NEK11: variants seen among roughly 807,000 people sequenced by gnomAD.
The protein encoded by NEK11 is NIMA related kinase 11, also known as serine/threonine-protein kinase Nek11.
In NEK11, 72 loss-of-function variants were observed where a neutral mutation model predicts 80.7. The ratio of observed to expected loss-of-function variants is 0.89; its 90% CI spans 0.74 to 1.08. NEK11 has a LOEUF of 1.08. Ranked by LOEUF, NEK11 falls within the 50% of genes least tolerant of loss-of-function variation. NEK11 has a pLI of 0.00. For missense variants in NEK11, 764 were observed against 763.6 expected, an observed-to-expected ratio of 1.00 and a Z score of -0.01; for synonymous variants, 251 against 260.7, an observed-to-expected ratio of 0.96 and a Z score of 0.36.
intron 12 of NEK11, among the ~76,000 whole-genome samples, chr3:131,165,738 C>G (rs191365320): frequency 2.6e-5 from 4 of 152,310 alleles, no homozygotes; most frequent in African/African-American, 9.6e-5. Context: ...TAACAAAAAT[C>G]AAGCTCCTAC....
chr3:131,199,356 A>G (rs1364962788), intron 14 of NEK11, among the ~76,000 whole-genome samples: 1 of 152,128 alleles, frequency 6.6e-6, no homozygotes, highest in African/African-American at 2.4e-5. Flanking sequence ...CTTATTAAAT[A>G]AATAAAAATA....
At chr3:131,331,408 A>G (rs1350524399) in intron 17 of NEK11, among the ~76,000 whole-genome samples, 1 of 152,230 alleles carries the variant, frequency 6.6e-6, no homozygotes, top group African/African-American at 2.4e-5. Context: ...CCTTCCGGGT[A>G]TCCATTAAAC....
chr3:131,073,874 T>C (rs2073883722), intron 3 of NEK11, among the ~76,000 whole-genome samples: 1 of 152,218 alleles, frequency 6.6e-6, no homozygotes, highest in Non-Finnish European at 1.5e-5. Flanking sequence ...CATTAGGATT[T>C]CCTGTGCTCT....
chr3:131,115,497 C>T (rs1468411036), intron 5 of NEK11, among the ~76,000 whole-genome samples: 1 of 152,176 alleles, frequency 6.6e-6, no homozygotes, highest in Non-Finnish European at 1.5e-5. Context: ...CTGTTCACTC[C>T]TTTGGAGCTT....
At chr3:131,046,733 T>G (rs996102093) in intron 3 of NEK11, among the ~76,000 whole-genome samples, 3 of 152,248 alleles carry the variant, frequency 2.0e-5, no homozygotes, top group Non-Finnish European at 4.4e-5. Context: ...GATAGTTTCA[T>G]TCATCTTGAC....
intron 3 of NEK11, among the ~76,000 whole-genome samples, chr3:131,050,197 A>G (rs1465448112): frequency 6.6e-6 from 1 of 152,244 alleles, no homozygotes; most frequent in Non-Finnish European, 1.5e-5. Context: ...ATTCTTTATT[A>G]CAACGAAATA....
In NEK11 at chr3:131,152,473, G is replaced by C; in HGVS notation, c.733G>C (p.Val245Leu). Reference sequence around the variant, plus strand: ...TTTCTTATCCATTGTTTTAAAAATTGTTGAAGGTGACACACCTTCTCTCCC... The same window carrying C: ...TTTCTTATCCATTGTTTTAAAAATTCTTGAAGGTGACACACCTTCTCTCCC... ...SNFLSIVLKI[V>L]EGDTPSLPER... is the part of the protein sequence containing the mutation. Residue 245 changes from valine (V) to leucine (L), a missense_variant, in exon 8 of 18, where the codon GTT (valine) becomes CTT (leucine). Val to Leu is a conservative substitution (Grantham distance 32). Transcript: ENST00000383366. The C allele has an allele frequency of 6.2e-7, 1 of 1,613,756 alleles. No homozygotes were observed. Among genetic ancestry groups the C allele is most frequent in the Non-Finnish European group, 8.5e-7 (1 of 1,179,784 alleles).
At chr3:131,325,916 A>G (rs1025951191) in intron 17 of NEK11, 2 of 152,252 alleles carry the variant, frequency 1.3e-5, no homozygotes, top group African/African-American at 2.4e-5. Context: ...TGCCAGATTG[A>G]TAAATGAGCA....
At chr3:131,339,580 G>T (rs2097254921) in intron 17 of NEK11, among the ~76,000 whole-genome samples, 1 of 152,140 alleles carries the variant, frequency 6.6e-6, no homozygotes, top group Non-Finnish European at 1.5e-5. Flanking sequence ...ACCCTTCACT[G>T]GTGGGATTTA....
At chr3:131,138,600 A>G (rs955829370) in intron 7 of NEK11, among the ~76,000 whole-genome samples, 3 of 152,066 alleles carry the variant, frequency 2.0e-5, no homozygotes, top group Non-Finnish European at 4.4e-5. Context: ...GCCTTGGACG[A>G]GACCTGGTGC....
intron 14 of NEK11, among the ~76,000 whole-genome samples, chr3:131,211,208 A>G (rs926601390): frequency 2.0e-5 from 3 of 152,154 alleles, no homozygotes; most frequent in Non-Finnish European, 4.4e-5. Context: ...TCTGTAAAGT[A>G]TTTTATTTCT....
At chr3:131,258,264 A>G (rs1467762667) in intron 16 of NEK11, among the ~76,000 whole-genome samples, 1 of 152,148 alleles carries the variant, frequency 6.6e-6, no homozygotes, top group Non-Finnish European at 1.5e-5. Flanking sequence ...CCATCACTAA[A>G]GAACTTATCC....
chr3:131,106,573 G>A (rs2079215383), intron 4 of NEK11, among the ~76,000 whole-genome samples: 1 of 152,006 alleles, frequency 6.6e-6, no homozygotes, highest in Non-Finnish European at 1.5e-5. Flanking sequence ...CAACTCTGAA[G>A]GTATGCCTGC....
intron 16 of NEK11, among the ~76,000 whole-genome samples, chr3:131,244,258 A>G (rs1325501828): frequency 4.6e-5 from 7 of 152,128 alleles, no homozygotes; most frequent in Non-Finnish European, 1.5e-5. Context: ...TGCACAATTT[A>G]TAGCCTTTTT....
At chr3:131,228,140 A>T (rs2095250581) in intron 14 of NEK11, among the ~76,000 whole-genome samples, 1 of 152,194 alleles carries the variant, frequency 6.6e-6, no homozygotes, top group Admixed American at 6.5e-5. Context: ...CCTATGCTAA[A>T]AACTTTATGT....
intron 16 of NEK11, among the ~76,000 whole-genome samples, chr3:131,258,149 C>A (rs1025265103): frequency 6.6e-6 from 1 of 150,706 alleles, no homozygotes; most frequent in South Asian, 2.1e-4. Context: ...ATATAATGGA[C>A]TCTGGGGACT....
intron 3 of NEK11, among the ~76,000 whole-genome samples, chr3:131,051,386 C>A (rs888767625): frequency 4.6e-5 from 7 of 152,116 alleles, no homozygotes; most frequent in African/African-American, 1.7e-4. Flanking sequence ...GAGCATGAGT[C>A]CTGGGACCCT....
chr3:131,039,323 A>G (rs2066105133), intron 3 of NEK11, among the ~76,000 whole-genome samples: 1 of 152,238 alleles, frequency 6.6e-6, no homozygotes, highest in South Asian at 2.1e-4. Context: ...TCAGTCAGCT[A>G]ACTTTAATTT....
Position 131,089,628 on chromosome 3 carries a change from G to A in NEK11, c.336+9040G>A, listed in dbSNP as rs191785436. 2.4e-3 allele frequency among the ~76,000 whole-genome samples: 362 copies of A among 152,102 alleles called. 1 individual carries two copies. The highest frequency in any genetic ancestry group is 8.1e-3 in the African/African-American group (335 of 41,486). ...TAATTTTTGTGTTTTTAGTAGAGAC[G>A]GGGTTTCATCATGTTGGCCAGGCTG... On this transcript the variant is annotated intron_variant, in intron 4 of 17. Transcript: ENST00000383366.
Sources: gnomAD v4.1 joint callset for allele counts (sites outside exome capture counted in the v4.1 genomes callset) on GRCh38, gnomAD v4.1.1 for gene constraint, MANE v1.5 for transcripts, NCBI Gene and HGNC (gene_info 2026-07-23, HGNC 2026-07-21) for gene names.